Variants in MYO18A observed in about 807,000 individuals in gnomAD.
The protein encoded by MYO18A is myosin XVIIIA.
MYO18A carries 78 observed loss-of-function variants against 235.8 expected under a neutral mutation model. The ratio of observed to expected loss-of-function variants is 0.33; its 90% confidence interval spans 0.28 to 0.40. The LOEUF is 0.40. MYO18A is among the 10% of genes least tolerant of loss of function. The pLI is 1.00. For synonymous variants in MYO18A, 977 were observed against 1,077.8 expected (o/e 0.91, Z 1.83); for missense variants, 2,215 against 2,699.3 (o/e 0.82, Z 3.98).
chr17:29,109,584 C>A lies in MYO18A; in HGVS notation c.3331+274G>T, dbSNP rs1023683843. On this transcript the variant is annotated intron_variant, in intron 19 of 41. Transcript: ENST00000527372. The surrounding 1 kb of genome is among the most constrained non-coding windows in gnomAD (Gnocchi z 4.1). ...ACGTGGGAAGAAAGGGAGCTGTGGA[C>A]AAATGACAAGGTGCAGGGTGGAGCT... Among the ~76,000 whole-genome samples the A allele has an allele frequency of 3.3e-5, 5 of 152,006 alleles. No individual in the cohort carries two copies. Among genetic ancestry groups the A allele is most frequent in the African/African-American group, 1.2e-4 (5 of 41,362 alleles).
chr17:29,088,297 G>A (rs1008719394), intron 37 of MYO18A, among the ~76,000 whole-genome samples: 9 of 151,972 alleles, frequency 5.9e-5, no homozygotes, highest in South Asian at 2.1e-4. Flanking sequence ...CTCGTGATCC[G>A]CCCACCTTGG....
chr17:29,072,389 G>A lies in MYO18A; in HGVS notation c.*2381C>T, dbSNP rs1424495699. 6.6e-6 allele frequency: 1 copy of A among 152,088 alleles called. No individual in the cohort carries two copies. Among genetic ancestry groups the A allele is most frequent in the Non-Finnish European group, 1.5e-5 (1 of 68,042 alleles). The allele number at this position is 152,088 out of a possible 1,614,324, so 9.4% of individuals were successfully genotyped here. A position where few individuals can be genotyped will look rare whatever the true frequency, so the allele number is the denominator to read the frequency against. On this transcript the variant is annotated 3_prime_UTR_variant, in exon 42 of 42. Transcript: ENST00000527372. ...AAAATACAAAAATTAGCCAGGCGTG[G>A]TGGTACACGTCTGTTAAGTCCCAGC... is the stretch of plus-strand genomic sequence containing the variant.
chr17:29,154,203 T>C lies in MYO18A; in HGVS notation c.999+11739A>G, dbSNP rs2068019451. Among the ~76,000 whole-genome samples the C allele has an allele frequency of 1.3e-5, 2 of 152,086 alleles. 1 individual carries two copies. The highest frequency in any genetic ancestry group is 4.1e-4 in the South Asian group (2 of 4,834). On this transcript the variant is annotated intron_variant, in intron 2 of 41. Transcript: ENST00000527372. ...CACAGAACCCAGTTCTGTGGTTCTC[T>C]TCCCCAGGTCGAAGTTAGGTGATGA...
At position 29,093,337 on chromosome 17, in the gene MYO18A, T is replaced by C; in HGVS notation, c.4912A>G (p.Thr1638Ala). 6.2e-7 allele frequency: 1 copy of C among 1,611,684 alleles called. No individual in the cohort carries two copies. Among genetic ancestry groups the C allele is most frequent in the Non-Finnish European group, 8.5e-7 (1 of 1,179,466 alleles). The change falls in exon 32 of 42, where the codon ACC becomes GCC. Residue 1638 changes from threonine to alanine, a missense_variant. Transcript: ENST00000527372. Reference sequence around the variant, plus strand: ...CATCCCCTGACCTGGTCGCTGAGGGTGGCGAGCTTGCCCTCCAGCTCCCGC... The same window carrying C: ...CATCCCCTGACCTGGTCGCTGAGGGCGGCGAGCTTGCCCTCCAGCTCCCGC... ...EKRELEGKLA[T>A]LSDQVNRRDF...
intron 2 of MYO18A, among the ~76,000 whole-genome samples, chr17:29,134,284 T>C (rs891395783): frequency 3.0e-4 from 46 of 152,118 alleles, no homozygotes; most frequent in East Asian, 1.2e-3. Flanking sequence ...GGGTTCACCA[T>C]GTTGGCCAGA....
rs1012803582 is a variant in MYO18A at position 29,073,638 on chromosome 17, C to T, written c.*1132G>A. ...CGGCAGATGGGAGCAGCACCAGGCA[C>T]TGCACTTGGGCTCCCAAGTCTGGTG... On this transcript the variant is annotated 3_prime_UTR_variant, in exon 42 of 42. Coordinates refer to ENST00000527372, the MANE Select transcript of MYO18A (RefSeq NM_078471.4). 3.6e-6 allele frequency: 2 copies of T among 548,024 alleles called. No individual in the cohort carries two copies. Among genetic ancestry groups the T allele is most frequent in the African/African-American group, 1.9e-5 (1 of 53,142 alleles). The allele number at this position is 548,024 out of a possible 1,614,324, so 33.9% of individuals were successfully genotyped here.
chr17:29,127,100 C>T (rs1227888185), intron 2 of MYO18A, among the ~76,000 whole-genome samples: 1 of 152,198 alleles, frequency 6.6e-6, no homozygotes, highest in Non-Finnish European at 1.5e-5. Flanking sequence ...GGAGCATTAT[C>T]TGTATCATTT....
Position 29,106,652 on chromosome 17 carries a change from T to G in MYO18A, c.3441+428A>C, listed in dbSNP as rs573500651. Among the ~76,000 whole-genome samples, 7 of 152,282 alleles carry G rather than the reference T, an allele frequency of 4.6e-5. No individual in the cohort carries two copies. In the East Asian group the frequency reaches 1.2e-3, roughly 25 times the overall value. Reference sequence around the variant, plus strand: ...GGCCGGCAAATGGCCCGGCAGCCTATGTTCACCTGGCACCACGGAGGTCTC... The same window carrying G: ...GGCCGGCAAATGGCCCGGCAGCCTAGGTTCACCTGGCACCACGGAGGTCTC... On this transcript the variant is annotated intron_variant, in intron 20 of 41. Transcript: ENST00000527372. The surrounding 1 kb of genome is among the most constrained non-coding windows in gnomAD (Gnocchi z 4.6).
intron 23 of MYO18A, 58 bp from the exon 24 acceptor site, chr17:29,098,503 T>G (rs1248664868): frequency 1.3e-6 from 2 of 1,587,890 alleles, no homozygotes; most frequent in African/African-American, 2.7e-5. Flanking sequence ...ATTGGGGCCC[T>G]GGGTCTGCAC....
At position 29,109,541 on chromosome 17, in the gene MYO18A, GAACTGTCCA is replaced by G. The variant is rs1156713982; in HGVS notation, c.3331+308_3331+316del. ...TGGGTTTGCTGCTGTGGGCAAAGCT[GAACTGTCCA>G]AACTAGGGACGTGGGAAGAAAGGGA... On this transcript the variant is annotated intron_variant, in intron 19 of 41. Transcript: ENST00000527372. The surrounding 1 kb of genome is among the most constrained non-coding windows in gnomAD (Gnocchi z 4.1). 6.6e-6 allele frequency among the ~76,000 whole-genome samples: 1 copy of G among 152,186 alleles called. No homozygotes were observed. The highest frequency in any genetic ancestry group is 1.5e-5 in the Non-Finnish European group (1 of 68,040).
chr17:29,176,024 C>T (rs1349650966), intron 1 of MYO18A, among the ~76,000 whole-genome samples: 4 of 152,176 alleles, frequency 2.6e-5, no homozygotes, highest in Non-Finnish European at 4.4e-5. Context: ...CGCCACTGCA[C>T]TCCAGCCTGG....
intron 41 of MYO18A, among the ~76,000 whole-genome samples, chr17:29,081,572 C>G (rs2066123992): frequency 7.6e-6 from 1 of 132,076 alleles, no homozygotes; most frequent in African/African-American, 2.9e-5. Flanking sequence ...CCTGGAGGAT[C>G]AGGATGGGCT....
In MYO18A at chr17:29,125,352, C is replaced by A. The variant is rs969116128; in HGVS notation, c.1000-3099G>T. On this transcript the variant is annotated intron_variant, in intron 2 of 41. Transcript: ENST00000527372. The surrounding 1 kb of genome is among the most constrained non-coding windows in gnomAD (Gnocchi z 5.1). ...TGCCAGCCAGGCACACCGACCCCAT[C>A]TAGATCCAACCTGGGGACCACTTGA... Among the ~76,000 whole-genome samples, 2 of 152,232 alleles carry A rather than the reference C, an allele frequency of 1.3e-5. No individual in the cohort carries two copies. The highest frequency in any genetic ancestry group is 2.9e-5 in the Non-Finnish European group (2 of 68,028).
chr17:29,143,736 A>G (rs1219481485), intron 2 of MYO18A, among the ~76,000 whole-genome samples: 1 of 151,918 alleles, frequency 6.6e-6, no homozygotes, highest in Non-Finnish European at 1.5e-5. Flanking sequence ...TAAGTACAAC[A>G]CTCCTAATTC....
At position 29,080,440 on chromosome 17, in the gene MYO18A, C is replaced by G. The variant is rs568945878; in HGVS notation, c.6020+1876G>C. 17 of 985,968 alleles carry G rather than the reference C, an allele frequency of 1.7e-5. No individual in the cohort carries two copies. The East Asian group carries it at 1.9e-3, about 112-fold the overall frequency. 61.1% of individuals were successfully genotyped at this position (985,968 alleles called of 1,614,324 possible). The stretch of plus-strand genomic sequence containing the variant: ...GGCCTCGCTCAGGGCCATACTGGCT[C>G]CATCATCCCACTCCTCTAGGCAGCT... On this transcript the variant is annotated intron_variant, in intron 41 of 41. Coordinates refer to ENST00000527372, the MANE Select transcript of MYO18A (RefSeq NM_078471.4).
chr17:29,092,992 G>A lies in MYO18A; in HGVS notation c.4936C>T (p.Arg1646Trp), dbSNP rs200860055. ...AGCCGCTTCTCTGACTCAAAGTCCC[G>A]CCGGTTCACCTGGGTGGGCACCAGC... Reference protein sequence around the residue: ...LATLSDQVNRRDFESEKRLRK... With the variant: ...LATLSDQVNRWDFESEKRLRK... The change falls in exon 33 of 42, where the codon CGG (arginine) becomes TGG (tryptophan). Residue 1646 changes from arginine to tryptophan, a missense_variant. By Grantham distance (101) the Arg-to-Trp change is moderately radical. Coordinates refer to ENST00000527372, the MANE Select transcript of MYO18A (RefSeq NM_078471.4). 1.2e-5 allele frequency: 19 copies of A among 1,613,030 alleles called. No individual in the cohort carries two copies. The highest frequency in any genetic ancestry group is 2.2e-5 in the East Asian group (1 of 44,854).
chr17:29,171,279 T>TA (rs1056941993), intron 1 of MYO18A, among the ~76,000 whole-genome samples: 9 of 151,614 alleles, frequency 5.9e-5, no homozygotes, highest in South Asian at 2.1e-4. Context: ...CTAATAAAAA[T>TA]AAAAAAAATT....
At chr17:29,083,281 G>C (rs1249321737) in intron 40 of MYO18A, among the ~76,000 whole-genome samples, 1 of 152,118 alleles carries the variant, frequency 6.6e-6, no homozygotes. Context: ...TTGAAAGAAA[G>C]CCCAAAGGAG....
chr17:29,084,218 T>G (rs2066195018), intron 40 of MYO18A, among the ~76,000 whole-genome samples: 2 of 152,126 alleles, frequency 1.3e-5, no homozygotes, highest in Admixed American at 1.3e-4. Flanking sequence ...TGTACCTGTG[T>G]GTGTGCATGC....
Sources: gnomAD v4.1 joint callset for allele counts (sites outside exome capture counted in the v4.1 genomes callset) on GRCh38, gnomAD v4.1.1 for gene constraint, Gnocchi (gnomAD v3.1) non-coding constraint, MANE v1.5 for transcripts, NCBI Gene and HGNC (gene_info 2026-07-23, HGNC 2026-07-21) for gene names.